The following ZNF573 variants were observed in gnomAD, a reference collection of about 807,000 sequenced individuals.
ZNF573 encodes the protein zinc finger protein 573.
A neutral mutation model predicts 57.4 loss-of-function variants in ZNF573; 41 were observed. The ratio of observed to expected loss-of-function variants is 0.71; its 90% CI spans 0.56 to 0.93. The LOEUF (loss-of-function observed/expected upper bound fraction) is 0.93. Ranked by LOEUF, ZNF573 falls within the 40% of genes least tolerant of loss-of-function variation. ZNF573 has a pLI of 0.00. For synonymous variants in ZNF573, 249 were observed against 261.0 expected (o/e 0.95, Z 0.44); for missense variants, 730 against 794.8 (o/e 0.92, Z 0.98).
chr19:37,770,183 C>G, intron 3 of ZNF573, 86 bp from the exon 4 acceptor site: 1 of 1,024,740 alleles, frequency 9.8e-7, no homozygotes, highest in Non-Finnish European at 1.4e-6. Flanking sequence ...TTACAATGAA[C>G]TAAGGACTTC....
At chr19:37,745,955 C>T (rs2045378471) in intron 4 of ZNF573, among the ~76,000 whole-genome samples, 1 of 152,158 alleles carries the variant, frequency 6.6e-6, no homozygotes, top group Non-Finnish European at 1.5e-5. Context: ...CTGCAGAGCT[C>T]AGTTACCTTC....
intron 4 of ZNF573, among the ~76,000 whole-genome samples, chr19:37,753,124 G>A (rs140416360): frequency 0.033 from 5,044 of 152,070 alleles, 123 homozygotes; most frequent in South Asian, 0.1. Context: ...CCGGGGTTGG[G>A]GCAGGGGGTG....
intron 4 of ZNF573, among the ~76,000 whole-genome samples, chr19:37,758,171 C>A: frequency 8.2e-6 from 1 of 122,598 alleles, no homozygotes; most frequent in African/African-American, 3.1e-5. Context: ...CCATGTTGTG[C>A]ACATGTACCC....
chr19:37,743,818 A>G (rs1357267969), intron 4 of ZNF573, among the ~76,000 whole-genome samples: 1 of 152,240 alleles, frequency 6.6e-6, no homozygotes, highest in Non-Finnish European at 1.5e-5. Context: ...ATAAAAAGAA[A>G]TGAGATCTTG....
intron 4 of ZNF573, among the ~76,000 whole-genome samples, chr19:37,750,957 T>C (rs1236140143): frequency 6.6e-6 from 1 of 151,802 alleles, no homozygotes; most frequent in African/African-American, 2.4e-5. Flanking sequence ...AATTCAAGTA[T>C]CAGTACTCAT....
At chr19:37,745,096 GA>G (rs1046273866) in intron 4 of ZNF573, among the ~76,000 whole-genome samples, 1 of 148,754 alleles carries the variant, frequency 6.7e-6, no homozygotes, top group Non-Finnish European at 1.5e-5. Context: ...AATACTTAAA[GA>G]AAAAAAATGC....
At chr19:37,773,544 G>T in intron 2 of ZNF573, 117 bp downstream of exon 2, 1 of 692,756 alleles carries the variant, frequency 1.4e-6, no homozygotes, top group Non-Finnish European at 2.4e-6. Flanking sequence ...AATATTAGAA[G>T]AAAGTGGGGA....
At chr19:37,761,367 A>C (rs998204168) in intron 4 of ZNF573, among the ~76,000 whole-genome samples, 2 of 152,122 alleles carry the variant, frequency 1.3e-5, no homozygotes, top group African/African-American at 4.8e-5. Flanking sequence ...CCTCAGAAGC[A>C]AAAGTTTTTT....
intron 4 of ZNF573, among the ~76,000 whole-genome samples, chr19:37,768,865 A>C (rs1404142162): frequency 6.6e-6 from 1 of 151,460 alleles, no homozygotes; most frequent in African/African-American, 2.4e-5. Context: ...ACGGGGTTTC[A>C]CCGTGTTAGC....
chr19:37,765,277 T>C (rs1477438306), intron 4 of ZNF573, among the ~76,000 whole-genome samples: 1 of 152,200 alleles, frequency 6.6e-6, no homozygotes, highest in Non-Finnish European at 1.5e-5. Context: ...GAGGCTAGAC[T>C]GTGGCCTTAA....
chr19:37,772,501 CATT>C (rs1345293268), intron 2 of ZNF573, among the ~76,000 whole-genome samples: 1 of 152,090 alleles, frequency 6.6e-6, no homozygotes, highest in African/African-American at 2.4e-5. Context: ...CAAGTTACAT[CATT>C]ATGTCAGAGC....
At chr19:37,773,906 A>G (rs2045682421) in intron 1 of ZNF573, among the ~76,000 whole-genome samples, 155 bp from the exon 2 acceptor site, 1 of 152,178 alleles carries the variant, frequency 6.6e-6, no homozygotes, top group Non-Finnish European at 1.5e-5. Flanking sequence ...CTCACACCCC[A>G]GGAAACCCAG....
intron 4 of ZNF573, among the ~76,000 whole-genome samples, chr19:37,745,488 C>T (rs777491044): frequency 2.6e-5 from 4 of 152,124 alleles, no homozygotes; most frequent in Non-Finnish European, 4.4e-5. Context: ...CTCTGCCTCC[C>T]GGGTTCAACG....
At chr19:37,755,006 G>C (rs113024166) in intron 4 of ZNF573, among the ~76,000 whole-genome samples, 1 of 152,116 alleles carries the variant, frequency 6.6e-6, no homozygotes, top group African/African-American at 2.4e-5. Context: ...GTCTCGCTCT[G>C]TCTCCCAGGC....
At chr19:37,777,450 GAAT>G (rs1191661401) in intron 1 of ZNF573, among the ~76,000 whole-genome samples, 1 of 152,108 alleles carries the variant, frequency 6.6e-6, no homozygotes, top group Non-Finnish European at 1.5e-5. Context: ...ATACACTATG[GAAT>G]ACTACTCAGC....
chr19:37,739,949 G>A lies in ZNF573; in HGVS notation c.541C>T (p.Gln181Ter), dbSNP rs2045309341. ...FRSGYQLTLH[Q>*]RFHTGEKPYE... is the part of the protein sequence containing the mutation. The stretch of plus-strand genomic sequence containing the variant: ...GGTTTCTCACCAGTATGAAATCTTT[G>A]ATGTAGAGTAAGTTGATAGCCACTA... The change falls in exon 5 of 5, where the codon CAA becomes TAA. Residue 181 changes from glutamine (Q) to a stop codon, truncating the protein, a stop_gained. Coordinates refer to ENST00000536220, the MANE Select transcript of ZNF573 (RefSeq NM_001172690.2). LOFTEE classifies it high-confidence loss of function. 8 of 1,614,034 alleles carry A rather than the reference G, an allele frequency of 5.0e-6. No homozygotes were observed. Among genetic ancestry groups the A allele is most frequent in the Non-Finnish European group, 5.1e-6 (6 of 1,180,018 alleles).
chr19:37,772,522 C>T (rs1383407610), intron 2 of ZNF573, among the ~76,000 whole-genome samples: 1 of 152,112 alleles, frequency 6.6e-6, no homozygotes, highest in Non-Finnish European at 1.5e-5. Context: ...AGCACATAAG[C>T]ATTTTTCTTA....
chr19:37,739,214 A>G lies in ZNF573; in HGVS notation c.1276T>C (p.Tyr426His). 6.2e-7 allele frequency: 1 copy of G among 1,613,318 alleles called. No individual in the cohort carries two copies. Among genetic ancestry groups the G allele is most frequent in the Non-Finnish European group, 8.5e-7 (1 of 1,179,826 alleles). ...CKECGKAFSL[Y>H]GYLKQHQKIH... Reference sequence around the variant, plus strand: ...TTCTGATGTTGTTTAAGGTAGCCATACAAGCTAAAGGCCTTTCCGCATTCC... The same window carrying G: ...TTCTGATGTTGTTTAAGGTAGCCATGCAAGCTAAAGGCCTTTCCGCATTCC... The change falls in exon 5 of 5, where the codon TAT becomes CAT. Residue 426 changes from tyrosine (Y) to histidine (H), a missense_variant. Transcript: ENST00000536220.
At chr19:37,752,152 CAAAGGAG>C (rs1568418491) in intron 4 of ZNF573, among the ~76,000 whole-genome samples, 1 of 151,962 alleles carries the variant, frequency 6.6e-6, no homozygotes, top group Non-Finnish European at 1.5e-5. Flanking sequence ...CAACAAAATT[CAAAGGAG>C]TCTCTTTAGC....
Sources: allele counts gnomAD v4.1 joint callset (sites outside exome capture counted in the v4.1 genomes callset), GRCh38; gene constraint gnomAD v4.1.1; transcripts MANE v1.5; gene names NCBI Gene and HGNC (gene_info 2026-07-23, HGNC 2026-07-21).